Variants in TMC5 observed in about 807,000 individuals in gnomAD.
TMC5 encodes transmembrane channel like 5.
In TMC5, 86 loss-of-function variants were observed where a neutral mutation model predicts 110.5. The ratio of observed to expected loss-of-function variants is 0.78; its 90% CI spans 0.65 to 0.93. The LOEUF is 0.93. Among genes scored for constraint, TMC5 ranks in the 40% least tolerant of loss-of-function variants. TMC5 has a pLI of 0.00. For missense variants in TMC5, 1,144 were observed against 1,222.8 expected (o/e 0.94, Z 0.96); for synonymous variants, 455 against 439.5 (o/e 1.04, Z -0.44).
At chr16:19,433,396 G>A (rs900873541) in intron 2 of TMC5, among the ~76,000 whole-genome samples, 1 of 152,120 alleles carries the variant, frequency 6.6e-6, no homozygotes, top group Non-Finnish European at 1.5e-5. Flanking sequence ...CAGCCCACTG[G>A]CCAAAGATAG....
At position 19,420,106 on chromosome 16, in the gene TMC5, C is replaced by T. The variant is rs527467658; in HGVS notation, c.-308+2014C>T. On this transcript the variant is annotated intron_variant, in intron 1 of 21. Coordinates refer to ENST00000542583, the MANE Select transcript of TMC5 (RefSeq NM_001261841.2). Reference sequence around the variant, plus strand: ...CCTCCTAAGTAGCTGGGACTACAGGCGTGCACCACCATTAATGATTAAAAA... The same window carrying T: ...CCTCCTAAGTAGCTGGGACTACAGGTGTGCACCACCATTAATGATTAAAAA... Among the ~76,000 whole-genome samples, 5 of 152,144 alleles carry T rather than the reference C, an allele frequency of 3.3e-5. No individual in the cohort carries two copies. In the East Asian group the frequency reaches 9.7e-4, roughly 30 times the overall value.
chr16:19,494,437 A>G, intron 20 of TMC5, 71 bp downstream of exon 20: 1 of 977,084 alleles, frequency 1.0e-6, no homozygotes, highest in Non-Finnish European at 1.6e-6. Context: ...GCGTCAGAGA[A>G]CTACAGACCA....
chr16:19,468,061 G>A (rs993859117), intron 9 of TMC5, among the ~76,000 whole-genome samples: 5 of 152,102 alleles, frequency 3.3e-5, no homozygotes, highest in South Asian at 2.1e-4. Flanking sequence ...TGCAACCTCC[G>A]CTTCTCGGGT....
rs756825512 is a variant in TMC5, at chr16:19,466,087, T to C, written c.1491T>C (p.Tyr497=). ...TGLEFFTGVG[Y]FRDTVMYYGF... ...TGGTTTATTGTACCTTTCAGGGTTA[T>C]TTTAGGGACACAGTGATGTACTATG... The change falls in exon 9 of 22, where the codon TAT becomes TAC. Residue 497 remains tyrosine, a synonymous_variant. Coordinates refer to ENST00000542583, the MANE Select transcript of TMC5 (RefSeq NM_001261841.2). The C allele has an allele frequency of 6.2e-7, 1 of 1,613,874 alleles. No homozygotes were observed. Among genetic ancestry groups the C allele is most frequent in the South Asian group, 1.1e-5 (1 of 91,046 alleles).
chr16:19,417,133 T>TCCAGG (rs1040966556), upstream of TMC5, among the ~76,000 whole-genome samples: 1 of 142,752 alleles, frequency 7.0e-6, no homozygotes, highest in Non-Finnish European at 1.5e-5. Context: ...GAAAAACGTG[T>TCCAGG]CCAGGCCAGG....
intron 1 of TMC5, among the ~76,000 whole-genome samples, chr16:19,426,418 T>G (rs1967088912): frequency 6.6e-6 from 1 of 152,154 alleles, no homozygotes; most frequent in Non-Finnish European, 1.5e-5. Flanking sequence ...TTTTCACTGT[T>G]CCTGGCAGGA....
At chr16:19,488,334 C>T (rs539092807) in intron 17 of TMC5, among the ~76,000 whole-genome samples, 11 of 152,258 alleles carry the variant, frequency 7.2e-5, no homozygotes, top group East Asian at 5.8e-4. Context: ...ACCACCCATC[C>T]GATGCCCACG....
At chr16:19,483,875 G>A (rs1210353950) in intron 15 of TMC5, among the ~76,000 whole-genome samples, 6 of 151,958 alleles carry the variant, frequency 3.9e-5, no homozygotes, top group African/African-American at 1.5e-4. Flanking sequence ...CCAGGAGTTC[G>A]AGGCCAACCT....
intron 5 of TMC5, among the ~76,000 whole-genome samples, chr16:19,458,152 C>G (rs752242625): frequency 6.6e-5 from 10 of 152,100 alleles, no homozygotes; most frequent in Non-Finnish European, 1.3e-4. Flanking sequence ...TTAGCTGAGA[C>G]CTTCCAGCCT....
rs769584686 is a variant in TMC5, at chr16:19,497,099, T to G, written c.2932-22T>G. ...CTGCATTCTTCCTCCGTGACGTGGC[T>G]GCTTGTTTTTTTCTTTTTCAGCAAC... On this transcript the variant is annotated intron_variant, in intron 20 of 21. Coordinates refer to ENST00000542583, the MANE Select transcript of TMC5 (RefSeq NM_001261841.2). 2 of 1,613,936 alleles carry G rather than the reference T, an allele frequency of 1.2e-6. No homozygotes were observed. Among genetic ancestry groups the G allele is most frequent in the East Asian group, 2.2e-5 (1 of 44,882 alleles).
chr16:19,464,156 A>T, intron 8 of TMC5, 132 bp downstream of exon 8: 2 of 1,144,716 alleles, frequency 1.7e-6, no homozygotes, highest in Non-Finnish European at 2.4e-6. Context: ...GATGTTTGAA[A>T]TGTTTTCCTG....
chr16:19,424,403 C>T (rs983539889), intron 1 of TMC5, among the ~76,000 whole-genome samples: 2 of 152,254 alleles, frequency 1.3e-5, no homozygotes, highest in Admixed American at 1.3e-4. Context: ...GTAATCCCAG[C>T]CCTTTGGGAG....
At chr16:19,419,957 A>G (rs1966947503) in intron 1 of TMC5, among the ~76,000 whole-genome samples, 1 of 152,174 alleles carries the variant, frequency 6.6e-6, no homozygotes, top group Non-Finnish European at 1.5e-5. Flanking sequence ...AATGCTAATC[A>G]TCAGTTATGG....
At chr16:19,438,422 A>AG (rs1967400679) in intron 2 of TMC5, among the ~76,000 whole-genome samples, 1 of 104,666 alleles carries the variant, frequency 9.6e-6, no homozygotes, top group Non-Finnish European at 2.0e-5. Context: ...GAAAGAAAAG[A>AG]AAAAGAAAGA....
chr16:19,427,868 T>C (rs911179014), intron 1 of TMC5, among the ~76,000 whole-genome samples: 1 of 152,182 alleles, frequency 6.6e-6, no homozygotes, highest in South Asian at 2.1e-4. Flanking sequence ...CTTTCTTAAA[T>C]AGAATGAAAG....
intron 20 of TMC5, among the ~76,000 whole-genome samples, chr16:19,496,782 C>T (rs573879435): frequency 2.6e-5 from 4 of 151,114 alleles, no homozygotes; most frequent in Admixed American, 6.6e-5. Context: ...CCCAGCTACT[C>T]CAGAGGCTGA....
intron 2 of TMC5, among the ~76,000 whole-genome samples, chr16:19,437,674 C>G (rs1206003952): frequency 6.6e-6 from 1 of 152,162 alleles, no homozygotes; most frequent in East Asian, 1.9e-4. Context: ...ATCATGCTGG[C>G]TTGAAACTGT....
chr16:19,462,475 G>A (rs1273586877), intron 6 of TMC5: 2 of 699,854 alleles, frequency 2.9e-6, no homozygotes, highest in Non-Finnish European at 5.2e-6. Flanking sequence ...AAAGGAAAGA[G>A]GTTTAATGGA....
chr16:19,410,982 C>A (rs1966854488), exon 1 of TMC5: 1 of 152,338 alleles, frequency 6.6e-6, no homozygotes, highest in African/African-American at 2.4e-5. Flanking sequence ...CCACCAGGCG[C>A]CGGAATTGGG....
Sources: allele counts gnomAD v4.1 joint callset (sites outside exome capture counted in the v4.1 genomes callset), GRCh38; gene constraint gnomAD v4.1.1; transcripts MANE v1.5; gene names NCBI Gene and HGNC (gene_info 2026-07-23, HGNC 2026-07-21).